Variants in SHROOM3 observed in about 807,000 individuals in gnomAD.
The protein encoded by SHROOM3 is shroom family member 3, also known as protein Shroom3.
SHROOM3 carries 47 observed loss-of-function variants against 138.6 expected under a neutral mutation model. The ratio of observed to expected loss-of-function variants is 0.34; its 90% confidence interval spans 0.27 to 0.43. The LOEUF (loss-of-function observed/expected upper bound fraction) is 0.43, where lower values mean the gene tolerates loss of function less well. Ranked by LOEUF, SHROOM3 falls within the 20% of genes least tolerant of loss-of-function variation. SHROOM3 has a pLI of 1.00. For synonymous variants in SHROOM3, 1,062 were observed against 1,063.3 expected, an observed-to-expected ratio of 1.00 and a Z score of 0.02; for missense variants, 2,491 against 2,596.5, an observed-to-expected ratio of 0.96 and a Z score of 0.88.
intron 1 of SHROOM3, among the ~76,000 whole-genome samples, chr4:76,535,706 G>A (rs1378976512): frequency 1.3e-5 from 2 of 152,230 alleles, no homozygotes; most frequent in Non-Finnish European, 2.9e-5. Context: ...ACGGTCACTT[G>A]ATGAATGGCC....
chr4:76,456,443 T>C (rs1232682632), intron 1 of SHROOM3, among the ~76,000 whole-genome samples: 2 of 152,196 alleles, frequency 1.3e-5, no homozygotes, highest in Non-Finnish European at 1.5e-5. Flanking sequence ...TTTCAGAGAT[T>C]TGTGGAATTT....
intron 1 of SHROOM3, among the ~76,000 whole-genome samples, chr4:76,471,176 C>G (rs1396096091): frequency 1.3e-5 from 2 of 151,590 alleles, no homozygotes; most frequent in African/African-American, 4.8e-5. Context: ...AAATGTATGT[C>G]TTTTTATGGA....
In SHROOM3 at chr4:76,770,686, C is replaced by T; in HGVS notation, c.5410C>T (p.Leu1804=). 1 of 1,614,210 alleles carries T rather than the reference C, an allele frequency of 6.2e-7. No individual in the cohort carries two copies. The stretch of plus-strand genomic sequence containing the variant: ...GACCCTCCAGGAGGCGAAGGGGAGC[C>T]TGCTCACGGACATCAAGCTCAACAA... ...LETLQEAKGS[L]LTDIKLNNAL... is the part of the protein sequence containing the mutation. The change falls in exon 10 of 11, where the codon CTG becomes TTG. Residue 1804 remains leucine (L), a synonymous_variant. Coordinates refer to ENST00000296043, the MANE Select transcript of SHROOM3 (RefSeq NM_020859.4).
intron 2 of SHROOM3, among the ~76,000 whole-genome samples, chr4:76,613,875 C>A (rs1373268968): frequency 6.6e-6 from 1 of 152,146 alleles, no homozygotes; most frequent in East Asian, 1.9e-4. Flanking sequence ...AATCACAGAG[C>A]TAGAAGGTCA....
At position 76,710,157 on chromosome 4, in the gene SHROOM3, G is replaced by C. The variant is rs769834882; in HGVS notation, c.325G>C (p.Asp109His). Reference sequence around the variant, plus strand: ...TTCTTCTTTTCCTATTGTTGACAGAGATGTGTGCACAGACCCAGGCCATGC... The same window carrying C: ...TTCTTCTTTTCCTATTGTTGACAGACATGTGTGCACAGACCCAGGCCATGC... ...YKTLRLVVRR[D>H]VCTDPGHADT... Residue 109 changes from aspartate to histidine, a missense_variant and splice_region_variant, in exon 3 of 11, where the codon GAT (aspartate) becomes CAT (histidine). Asp to His is a moderately conservative substitution (Grantham distance 81). Coordinates refer to ENST00000296043, the MANE Select transcript of SHROOM3 (RefSeq NM_020859.4). The C allele has an allele frequency of 6.2e-7, 1 of 1,614,054 alleles. No homozygotes were observed. The highest frequency in any genetic ancestry group is 8.5e-7 in the Non-Finnish European group (1 of 1,179,994).
chr4:76,583,158 GTGTGGATGGTCTTCCTTCTAAA>G (rs1734083828), intron 2 of SHROOM3, among the ~76,000 whole-genome samples: 1 of 152,188 alleles, frequency 6.6e-6, no homozygotes, highest in Admixed American at 6.5e-5. Context: ...GAGCAGCGTG[GTGTGGATGGTCTTCCTTCTAAA>G]TGAGGGGAGC....
rs1159965196 is a variant in SHROOM3 at position 76,749,089 on chromosome 4, A to T, written c.3826A>T (p.Arg1276Trp). 6.2e-7 allele frequency: 1 copy of T among 1,613,462 alleles called. No individual in the cohort carries two copies. Among genetic ancestry groups the T allele is most frequent in the African/African-American group, 1.3e-5 (1 of 74,906 alleles). The part of the protein sequence containing the change: ...DPCYLAGPGS[R>W]SLSCSERGQE... ...ATGTTATTTGGCTGGTCCTGGATCT[A>T]GGTATGTACATGTACTTATGATGCT... The change falls in exon 6 of 11, where the codon AGG becomes TGG. Residue 1276 changes from arginine (R) to tryptophan (W), a missense_variant and splice_region_variant. Physicochemically the swap from Arg to Trp is moderately radical, Grantham distance 101 (BLOSUM62 -3). Around this residue, in one of 4 missense-constraint regions of SHROOM3, gnomAD observed 1,733 missense variants for 1,661.6 expected, o/e 1.04. Transcript: ENST00000296043.
At chr4:76,451,555 G>A (rs1416642992) in intron 1 of SHROOM3, among the ~76,000 whole-genome samples, 2 of 152,160 alleles carry the variant, frequency 1.3e-5, no homozygotes, top group Non-Finnish European at 2.9e-5. Context: ...CCCTTTTGAT[G>A]CATGAAAGTT....
chr4:76,563,783 A>C (rs1179037050), intron 2 of SHROOM3, among the ~76,000 whole-genome samples: 1 of 152,192 alleles, frequency 6.6e-6, no homozygotes, highest in Non-Finnish European at 1.5e-5. Flanking sequence ...CTCTGTGCAT[A>C]AAAGTGTGGC....
chr4:76,737,713 C>T (rs997055403), intron 4 of SHROOM3, among the ~76,000 whole-genome samples: 3 of 152,022 alleles, frequency 2.0e-5, no homozygotes, highest in Non-Finnish European at 4.4e-5. Flanking sequence ...GAACATGTTC[C>T]CTAGTATCTT....
At chr4:76,738,471 A>T (rs921277059) in intron 4 of SHROOM3, among the ~76,000 whole-genome samples, 17 of 152,242 alleles carry the variant, frequency 1.1e-4, no homozygotes, top group Admixed American at 5.2e-4. Flanking sequence ...AGCAAATCAC[A>T]TCAAAGTGCT....
intron 1 of SHROOM3, among the ~76,000 whole-genome samples, chr4:76,476,922 G>T (rs1381854683): frequency 6.6e-6 from 1 of 152,150 alleles, no homozygotes. Context: ...AAGGATTAAA[G>T]ATATAAGAGA....
intron 6 of SHROOM3, among the ~76,000 whole-genome samples, chr4:76,753,684 T>G (rs1721706008): frequency 6.6e-6 from 1 of 152,234 alleles, no homozygotes; most frequent in African/African-American, 2.4e-5. Flanking sequence ...AATCACCATG[T>G]ACTATATTTG....
chr4:76,744,350 A>C (rs773368734), intron 5 of SHROOM3, among the ~76,000 whole-genome samples: 4 of 152,128 alleles, frequency 2.6e-5, no homozygotes, highest in Admixed American at 6.5e-5. Flanking sequence ...CAAATACTGA[A>C]ATTTCTGAAC....
At chr4:76,735,855 AAAAAAAAAAAAAAATATATATAT>A (rs1306767505) in intron 4 of SHROOM3, among the ~76,000 whole-genome samples, 11 of 47,954 alleles carry the variant, frequency 2.3e-4, no homozygotes, top group African/African-American at 5.8e-4. Context: ...AAAAAAAAAA[AAAAAAAAAAAAAAATATATATAT>A]ATATATATAT....
In SHROOM3 at chr4:76,703,453, G is replaced by GACA. The variant is rs1178454990; in HGVS notation, c.324-6702_324-6701insCAA. Among the ~76,000 whole-genome samples the GACA allele has an allele frequency of 7.2e-5, 11 of 152,222 alleles. 1 individual carries two copies. Among genetic ancestry groups the GACA allele is most frequent in the Admixed American group, 7.2e-4 (11 of 15,282 alleles). ...TCATTGAGATGTCTGTGAAACGGCT[G>GACA]ATCAATGGTCAGTTATCAGAAAATG... On this transcript the variant is annotated intron_variant, in intron 2 of 10. Transcript: ENST00000296043.
At chr4:76,582,299 C>CCTACCTTACACAGAAAATCAAT (rs1734067749) in intron 2 of SHROOM3, among the ~76,000 whole-genome samples, 1 of 152,100 alleles carries the variant, frequency 6.6e-6, no homozygotes, top group Admixed American at 6.5e-5. Context: ...GGCATTTAAA[C>CCTACCTTACACAGAAAATCAAT]CTACCTTACA....
chr4:76,638,728 T>C (rs1577941805), intron 2 of SHROOM3: 1 of 152,200 alleles, frequency 6.6e-6, no homozygotes, highest in Admixed American at 6.5e-5. Flanking sequence ...AGCTCTAAAA[T>C]GGCCTTCAGG....
intron 2 of SHROOM3, among the ~76,000 whole-genome samples, chr4:76,611,185 A>T: frequency 6.6e-6 from 1 of 152,086 alleles, no homozygotes; most frequent in East Asian, 1.9e-4. Flanking sequence ...GTTGAAGATG[A>T]TTTTTTTAAA....
Sources: gnomAD v4.1 joint callset for allele counts (sites outside exome capture counted in the v4.1 genomes callset) on GRCh38, gnomAD v4.1.1 for gene constraint, gnomAD v4.1.1 regional missense constraint, MANE v1.5 for transcripts, NCBI Gene and HGNC (gene_info 2026-07-23, HGNC 2026-07-21) for gene names.